The following MARCHF10 variants were observed in gnomAD, a reference collection of about 807,000 sequenced individuals.
MARCHF10 encodes the protein membrane associated ring-CH-type finger 10, also known as probable E3 ubiquitin-protein ligase MARCHF10.
A neutral mutation model predicts 76.2 loss-of-function variants in MARCHF10; 64 were observed. The observed-to-expected ratio is 0.84, with a 90% CI of 0.69 to 1.03. The LOEUF (loss-of-function observed/expected upper bound fraction) is 1.03, where lower values mean the gene tolerates loss of function less well. Among genes scored for constraint, MARCHF10 ranks in the 50% least tolerant of loss-of-function variants. The pLI, the probability that MARCHF10 is intolerant of heterozygous loss-of-function variation, is 0.00. For synonymous variants in MARCHF10, 340 were observed against 357.5 expected (o/e 0.95, Z 0.55); for missense variants, 875 against 958.0 (o/e 0.91, Z 1.14).
At chr17:62,794,537 TCA>T (rs1201571786) in intron 2 of MARCHF10, among the ~76,000 whole-genome samples, 1 of 152,234 alleles carries the variant, frequency 6.6e-6, no homozygotes, top group African/African-American at 2.4e-5. Flanking sequence ...GCTCCTGCTC[TCA>T]GTCATTCAGG....
intron 3 of MARCHF10, among the ~76,000 whole-genome samples, chr17:62,765,552 A>C (rs577909814): frequency 6.6e-6 from 1 of 151,986 alleles, no homozygotes; most frequent in Non-Finnish European, 1.5e-5. Flanking sequence ...TCGGTGATTT[A>C]AGTCTTCATA....
rs144818561 is a variant in MARCHF10, at chr17:62,741,185, A to G, written c.535+3191T>C. 2.1e-3 allele frequency among the ~76,000 whole-genome samples: 326 copies of G among 152,350 alleles called. 1 individual carries two copies. The highest frequency in any genetic ancestry group is 7.5e-3 in the African/African-American group (312 of 41,570). ...ATTCTTTAAGAACATGATATTAATT[A>G]TAGTATAAAGGTATATATTATAATT... On this transcript the variant is annotated intron_variant, in intron 5 of 10. Transcript: ENST00000311269.
intron 8 of MARCHF10, among the ~76,000 whole-genome samples, chr17:62,720,860 ATTTTTTTTTT>A (rs56688878): frequency 3.6e-3 from 320 of 88,052 alleles, no homozygotes; most frequent in African/African-American, 0.014. Context: ...GTAAGTTGTG[ATTTTTTTTTT>A]TTTTTTTTTT....
At chr17:62,741,682 A>G (rs2091509197) in intron 5 of MARCHF10, among the ~76,000 whole-genome samples, 1 of 152,118 alleles carries the variant, frequency 6.6e-6, no homozygotes, top group Non-Finnish European at 1.5e-5. Flanking sequence ...AATGTTTATT[A>G]GCCATCTGTA....
intron 6 of MARCHF10, among the ~76,000 whole-genome samples, chr17:62,734,822 C>T (rs2091193092): frequency 6.6e-6 from 1 of 152,078 alleles, no homozygotes; most frequent in Non-Finnish European, 1.5e-5. Context: ...CAAGACCATG[C>T]CTGGAAGTGA....
chr17:62,766,496 G>A lies in MARCHF10; in HGVS notation c.211-6490C>T, dbSNP rs142352655. Among the ~76,000 whole-genome samples, 362 of 151,368 alleles carry A rather than the reference G, an allele frequency of 2.4e-3. 2 individuals are homozygous for A. Among genetic ancestry groups the A allele is most frequent in the Middle Eastern group, 0.02 (6 of 294 alleles). Reference sequence around the variant, plus strand: ...GTCTGGGCAACAAGAGCGAAACTCCGTCTCAAAAAAGAAAAGAAAAGAAAA... The same window carrying A: ...GTCTGGGCAACAAGAGCGAAACTCCATCTCAAAAAAGAAAAGAAAAGAAAA... On this transcript the variant is annotated intron_variant, in intron 3 of 10. Transcript: ENST00000311269.
chr17:62,792,791 C>CA (rs2092880528), intron 2 of MARCHF10, among the ~76,000 whole-genome samples: 1 of 127,212 alleles, frequency 7.9e-6, no homozygotes, highest in African/African-American at 3.1e-5. Flanking sequence ...CCACCTCCAT[C>CA]ACCACCACCA....
At chr17:62,788,801 C>T (rs974041588) in intron 2 of MARCHF10, among the ~76,000 whole-genome samples, 3 of 151,854 alleles carry the variant, frequency 2.0e-5, no homozygotes, top group Non-Finnish European at 4.4e-5. Context: ...CGGTGGCTCA[C>T]GCCTGTAATC....
At chr17:62,785,590 A>G (rs909022750) in intron 3 of MARCHF10, among the ~76,000 whole-genome samples, 1 of 152,246 alleles carries the variant, frequency 6.6e-6, no homozygotes, top group Non-Finnish European at 1.5e-5. Context: ...TGAACAGGCA[A>G]CCTACAGAAT....
chr17:62,780,817 T>C (rs990926026), intron 3 of MARCHF10: 1 of 152,142 alleles, frequency 6.6e-6, no homozygotes, highest in Admixed American at 6.5e-5. Flanking sequence ...GGGCCCGTGA[T>C]GTGTTGCTTT....
chr17:62,784,552 G>C (rs1389672679), intron 3 of MARCHF10, among the ~76,000 whole-genome samples: 1 of 152,050 alleles, frequency 6.6e-6, no homozygotes, highest in African/African-American at 2.4e-5. Context: ...AGAAATAAAG[G>C]GTATTCAATT....
At chr17:62,797,281 T>G (rs1328137747) in intron 2 of MARCHF10, among the ~76,000 whole-genome samples, 1 of 152,202 alleles carries the variant, frequency 6.6e-6, no homozygotes, top group East Asian at 1.9e-4. Flanking sequence ...CTTGGCTCAC[T>G]GCAACCTCCG....
intron 3 of MARCHF10, among the ~76,000 whole-genome samples, chr17:62,771,866 C>T (rs952534353): frequency 6.6e-6 from 1 of 152,172 alleles, no homozygotes; most frequent in Non-Finnish European, 1.5e-5. Context: ...CGCAAGCCAC[C>T]ACCCCCAGCC....
intron 3 of MARCHF10, among the ~76,000 whole-genome samples, chr17:62,773,080 C>A (rs529202932): frequency 2.0e-5 from 3 of 152,130 alleles, no homozygotes; most frequent in African/African-American, 4.8e-5. Flanking sequence ...AAGAGGTTTG[C>A]GGCACAAAAA....
Position 62,736,087 on chromosome 17 carries a change from G to C in MARCHF10, c.1781C>G (p.Ser594Cys). 2 of 1,614,184 alleles carry C rather than the reference G, an allele frequency of 1.2e-6. No homozygotes were observed. Among genetic ancestry groups the C allele is most frequent in the African/African-American group, 2.7e-5 (2 of 75,038 alleles). ...AGTAAATGGTGTATTTTCTTGCAGA[G>C]ACCCAGACACATGCAAATGGCCTTC... is the stretch of plus-strand genomic sequence containing the variant. ...NSEGHLHVSGSLQENTPFTFF... is the reference protein window; with the variant it reads ...NSEGHLHVSGCLQENTPFTFF... Residue 594 changes from serine to cysteine, a missense_variant, in exon 6 of 11, where the codon TCT (serine) becomes TGT (cysteine). By Grantham distance (112) the Ser-to-Cys change is moderately radical. Transcript: ENST00000311269.
chr17:62,716,236 G>GTAC (rs2090189300), intron 8 of MARCHF10, among the ~76,000 whole-genome samples: 1 of 152,166 alleles, frequency 6.6e-6, no homozygotes, highest in East Asian at 1.9e-4. Flanking sequence ...CGGGTCTTGG[G>GTAC]TACGGCAGCA....
intron 3 of MARCHF10, among the ~76,000 whole-genome samples, chr17:62,784,324 C>A (rs531902738): frequency 1.3e-5 from 2 of 152,224 alleles, no homozygotes; most frequent in Middle Eastern, 3.4e-3. Context: ...AATTCAACAA[C>A]CCCTCATGCT....
At chr17:62,788,396 T>G in intron 3 of MARCHF10, 84 bp downstream of exon 3, 2 of 1,558,652 alleles carry the variant, frequency 1.3e-6, no homozygotes, top group Non-Finnish European at 1.7e-6. Context: ...GAGTTGGCTT[T>G]TTCCTACATC....
intron 8 of MARCHF10, among the ~76,000 whole-genome samples, chr17:62,721,040 G>T (rs2090462311): frequency 6.6e-6 from 1 of 151,858 alleles, no homozygotes; most frequent in South Asian, 2.1e-4. Context: ...GCTAATTTTT[G>T]TATTTTTAGT....
Sources: allele counts gnomAD v4.1 joint callset (sites outside exome capture counted in the v4.1 genomes callset), GRCh38; gene constraint gnomAD v4.1.1; transcripts MANE v1.5; gene names NCBI Gene and HGNC (gene_info 2026-07-23, HGNC 2026-07-21).